Variants in RBFOX3 observed in about 807,000 individuals in gnomAD.
RBFOX3 encodes the protein RNA binding fox-1 homolog 3.
Under a neutral mutation model 48.7 loss-of-function variants are expected in RBFOX3, and 17 were observed. The ratio of observed to expected loss-of-function variants is 0.35; its 90% CI spans 0.24 to 0.52. RBFOX3 has a LOEUF of 0.52. RBFOX3 is among the 20% of genes least tolerant of loss of function. RBFOX3 has a pLI of 0.94. For missense variants in RBFOX3, 382 were observed against 497.5 expected (o/e 0.77, Z 2.21); for synonymous variants, 212 against 209.5 (o/e 1.01, Z -0.10).
chr17:79,334,706 A>C (rs2080922455), intron 2 of RBFOX3, among the ~76,000 whole-genome samples: 1 of 152,216 alleles, frequency 6.6e-6, no homozygotes, highest in East Asian at 1.9e-4. Context: ...AACCAGGACC[A>C]TCACACTCCA....
rs1046624701 is a variant in RBFOX3 at position 79,450,416 on chromosome 17, C to T, written c.-175+32038G>A. 6.6e-5 allele frequency among the ~76,000 whole-genome samples: 10 copies of T among 152,182 alleles called. No homozygotes were observed. The East Asian group carries it at 1.5e-3, about 24-fold the overall frequency. On this transcript the variant is annotated intron_variant, in intron 2 of 14. Transcript: ENST00000693108. ...CCTACAGATGTGAAGAGGCAAATGC[C>T]GAGGTATTGGCACAGATGTCCCCAT...
At chr17:79,542,421 G>A (rs2089846276) in intron 1 of RBFOX3, among the ~76,000 whole-genome samples, 1 of 152,222 alleles carries the variant, frequency 6.6e-6, no homozygotes, top group Non-Finnish European at 1.5e-5. Context: ...GATTAGGAGG[G>A]ATCCCAATGA....
chr17:79,455,510 G>A (rs1644833630), intron 2 of RBFOX3, among the ~76,000 whole-genome samples: 1 of 152,138 alleles, frequency 6.6e-6, no homozygotes, highest in Non-Finnish European at 1.5e-5. Flanking sequence ...CCATGGAGAT[G>A]CCACGGGGCC....
intron 3 of RBFOX3, among the ~76,000 whole-genome samples, chr17:79,294,749 C>A (rs2074048616): frequency 6.6e-6 from 1 of 152,222 alleles, no homozygotes; most frequent in Non-Finnish European, 1.5e-5. Flanking sequence ...GGCCTTGGTT[C>A]AGCTCTGCCC....
At chr17:79,576,836 C>G (rs1446550846) in intron 1 of RBFOX3, among the ~76,000 whole-genome samples, 2 of 152,108 alleles carry the variant, frequency 1.3e-5, no homozygotes, top group African/African-American at 4.8e-5. Flanking sequence ...GTAGAGACAG[C>G]CTACTGGTTC....
chr17:79,281,305 T>C (rs2070415412), intron 3 of RBFOX3, among the ~76,000 whole-genome samples: 1 of 151,974 alleles, frequency 6.6e-6, no homozygotes, highest in African/African-American at 2.4e-5. Flanking sequence ...GAGAGGACTA[T>C]CCAAATGCCT....
chr17:79,325,312 G>T (rs776776789), intron 2 of RBFOX3, among the ~76,000 whole-genome samples: 9 of 152,210 alleles, frequency 5.9e-5, no homozygotes, highest in Non-Finnish European at 1.2e-4. Context: ...GAGATGAGGA[G>T]TTTATAGCTC....
chr17:79,121,981 G>C (rs906603543), intron 4 of RBFOX3, among the ~76,000 whole-genome samples: 1 of 152,104 alleles, frequency 6.6e-6, no homozygotes, highest in Non-Finnish European at 1.5e-5. Flanking sequence ...TGCCCCCAAA[G>C]GGACCTCTGA....
chr17:79,385,044 C>A (rs150527537), intron 2 of RBFOX3, among the ~76,000 whole-genome samples: 3 of 152,248 alleles, frequency 2.0e-5, no homozygotes, highest in Non-Finnish European at 4.4e-5. Context: ...GTGGGACCAA[C>A]ATTTCCCGGC....
At chr17:79,454,115 C>T (rs2074054989) in intron 2 of RBFOX3, among the ~76,000 whole-genome samples, 1 of 152,096 alleles carries the variant, frequency 6.6e-6, no homozygotes, top group South Asian at 2.1e-4. Context: ...AGCCCTGCCC[C>T]ATCACCTCTG....
intron 3 of RBFOX3, among the ~76,000 whole-genome samples, chr17:79,275,432 T>C (rs573121297): frequency 1.2e-3 from 179 of 152,176 alleles, no homozygotes; most frequent in African/African-American, 4.3e-3. Flanking sequence ...GATCATGATT[T>C]CCTGTTTGGG....
At chr17:79,122,051 C>T (rs1303907851) in intron 4 of RBFOX3, among the ~76,000 whole-genome samples, 1 of 152,070 alleles carries the variant, frequency 6.6e-6, no homozygotes, top group African/African-American at 2.4e-5. Flanking sequence ...TCAGGAAACA[C>T]CTGCCCCCCA....
chr17:79,493,696 G>A (rs1376865079), intron 1 of RBFOX3, among the ~76,000 whole-genome samples: 1 of 152,180 alleles, frequency 6.6e-6, no homozygotes, highest in Non-Finnish European at 1.5e-5. Context: ...TGAAGGCTGG[G>A]AAATATCTGT....
intron 3 of RBFOX3, among the ~76,000 whole-genome samples, chr17:79,264,304 G>A (rs2066305271): frequency 6.6e-6 from 1 of 151,872 alleles, no homozygotes; most frequent in African/African-American, 2.4e-5. Flanking sequence ...TCGAACTCCT[G>A]ACCTCAGGTG....
At chr17:79,310,453 C>A (rs1347892474) in intron 2 of RBFOX3, among the ~76,000 whole-genome samples, 1 of 152,166 alleles carries the variant, frequency 6.6e-6, no homozygotes, top group East Asian at 1.9e-4. Flanking sequence ...TTCCTGTAGA[C>A]TTTTTTCTGC....
intron 2 of RBFOX3, among the ~76,000 whole-genome samples, chr17:79,436,701 G>A (rs2069537386): frequency 6.6e-6 from 1 of 152,158 alleles, no homozygotes; most frequent in South Asian, 2.1e-4. Flanking sequence ...TTTTAAAGGG[G>A]GAAGAAAGAA....
At chr17:79,645,182 C>G in the RBFOX3 span, among the ~76,000 whole-genome samples, 3 of 152,156 alleles carry the variant, frequency 2.0e-5, no homozygotes, top group East Asian at 5.8e-4. Flanking sequence ...CACATCCACA[C>G]CCCGCCTTTC....
intron 4 of RBFOX3, among the ~76,000 whole-genome samples, chr17:79,221,622 G>A (rs946244948): frequency 1.3e-5 from 2 of 152,234 alleles, no homozygotes; most frequent in African/African-American, 4.8e-5. Context: ...GGGTCCGGGC[G>A]AATTCATGAT....
At chr17:79,370,401 C>T (rs1272321236) in intron 2 of RBFOX3, among the ~76,000 whole-genome samples, 3 of 152,230 alleles carry the variant, frequency 2.0e-5, no homozygotes, top group African/African-American at 7.2e-5. Context: ...AAGGTGGACA[C>T]ATCCGACCAT....
Sources: allele counts gnomAD v4.1 joint callset (sites outside exome capture counted in the v4.1 genomes callset), GRCh38; gene constraint gnomAD v4.1.1; transcripts MANE v1.5; gene names NCBI Gene and HGNC (gene_info 2026-07-23, HGNC 2026-07-21).